MAN1A1: variants seen among roughly 807,000 people sequenced by gnomAD.
MAN1A1 encodes the protein mannosyl-oligosaccharide 1,2-alpha-mannosidase IA.
A neutral mutation model predicts 70.8 loss-of-function variants in MAN1A1; 29 were observed. The ratio of observed to expected loss-of-function variants is 0.41; its 90% confidence interval spans 0.31 to 0.56. The LOEUF (loss-of-function observed/expected upper bound fraction) is 0.56, where lower values mean the gene tolerates loss of function less well. Ranked by LOEUF, MAN1A1 falls within the 20% of genes least tolerant of loss-of-function variation. The probability of loss-of-function intolerance (pLI) is 0.29; values close to 1 mark genes in which losing one functional copy is unlikely to be tolerated. For missense variants in MAN1A1, 747 were observed against 841.3 expected, an observed-to-expected ratio of 0.89 and a Z score of 1.39; for synonymous variants, 349 against 330.1, an observed-to-expected ratio of 1.06 and a Z score of -0.62.
At chr6:119,188,351 A>T in intron 11 of MAN1A1, 54 bp downstream of exon 11, 2 of 1,501,396 alleles carry the variant, frequency 1.3e-6, no homozygotes, top group Non-Finnish European at 1.8e-6. Flanking sequence ...GGTATCACTG[A>T]ACATTTTTTA....
chr6:119,313,197 C>T (rs1439742018), intron 2 of MAN1A1, among the ~76,000 whole-genome samples: 2 of 152,178 alleles, frequency 1.3e-5, no homozygotes, highest in Admixed American at 1.3e-4. Flanking sequence ...GTGACTCCGC[C>T]TTCACAAAGA....
At chr6:119,264,848 T>C (rs1317286159) in intron 5 of MAN1A1, among the ~76,000 whole-genome samples, 2 of 152,206 alleles carry the variant, frequency 1.3e-5, no homozygotes, top group Non-Finnish European at 2.9e-5. Context: ...GCTATTTTTA[T>C]CTATTTGTGG....
At chr6:119,262,439 T>C (rs1775636821) in intron 5 of MAN1A1, among the ~76,000 whole-genome samples, 1 of 151,786 alleles carries the variant, frequency 6.6e-6, no homozygotes, top group Admixed American at 6.6e-5. Flanking sequence ...AACTTCATTA[T>C]ATGGCTATTA....
intron 2 of MAN1A1, among the ~76,000 whole-genome samples, chr6:119,311,517 G>A (rs1428134942): frequency 6.6e-6 from 1 of 152,190 alleles, no homozygotes; most frequent in Admixed American, 6.5e-5. Flanking sequence ...CCAAGGTACT[G>A]CTGTGTAGTG....
intron 5 of MAN1A1, among the ~76,000 whole-genome samples, chr6:119,261,183 G>A (rs1048237766): frequency 6.6e-6 from 1 of 151,850 alleles, no homozygotes; most frequent in Non-Finnish European, 1.5e-5. Flanking sequence ...GTTTCACCGT[G>A]TTGGCCAGGA....
chr6:119,296,944 T>A (rs1484567473), intron 4 of MAN1A1, among the ~76,000 whole-genome samples: 4 of 152,150 alleles, frequency 2.6e-5, no homozygotes, highest in Non-Finnish European at 5.9e-5. Flanking sequence ...TTAAGGAAAA[T>A]TTTAACACAG....
At chr6:119,232,986 C>T (rs1163720952) in intron 6 of MAN1A1, among the ~76,000 whole-genome samples, 4 of 152,068 alleles carry the variant, frequency 2.6e-5, no homozygotes, top group Non-Finnish European at 2.9e-5. Flanking sequence ...ATGCTTACAC[C>T]ACAAATTCCA....
chr6:119,314,691 C>G (rs2114465088), intron 2 of MAN1A1, among the ~76,000 whole-genome samples: 1 of 152,264 alleles, frequency 6.6e-6, no homozygotes, highest in Middle Eastern at 3.4e-3. Flanking sequence ...GCAGCTCTAT[C>G]TGGGGTCTGA....
intron 2 of MAN1A1, among the ~76,000 whole-genome samples, chr6:119,316,176 T>TC (rs1491191279): frequency 1.2e-4 from 4 of 32,680 alleles, no homozygotes; most frequent in Admixed American, 7.7e-4. Flanking sequence ...TTTTTGTGGG[T>TC]TTTTTTTTTT....
rs1368594809 is a variant in MAN1A1 at position 119,178,972 on chromosome 6, A to G, written c.*847T>C. The G allele has an allele frequency of 6.6e-6, 1 of 152,150 alleles. No homozygotes were observed. Among genetic ancestry groups the G allele is most frequent in the Non-Finnish European group, 1.5e-5 (1 of 67,972 alleles). 9.4% of individuals were successfully genotyped at this position (152,150 alleles called of 1,614,324 possible). On this transcript the variant is annotated 3_prime_UTR_variant, in exon 13 of 13. Transcript: ENST00000368468. ...CCAATTTCTTCATATATTCAGTTAA[A>G]CCCAAAAGCTAATCCATTAAGTTGT...
chr6:119,200,461 T>A (rs1216399325), intron 8 of MAN1A1, among the ~76,000 whole-genome samples: 1 of 152,138 alleles, frequency 6.6e-6, no homozygotes, highest in African/African-American at 2.4e-5. Flanking sequence ...TCTAAAGTAA[T>A]AATGAGGTAT....
chr6:119,203,062 C>G (rs1773760246), intron 7 of MAN1A1, among the ~76,000 whole-genome samples: 1 of 152,160 alleles, frequency 6.6e-6, no homozygotes, highest in Non-Finnish European at 1.5e-5. Flanking sequence ...GGACAGTTCT[C>G]GTCATCTACA....
intron 5 of MAN1A1, among the ~76,000 whole-genome samples, chr6:119,285,457 C>T (rs974564897): frequency 3.3e-5 from 5 of 152,156 alleles, no homozygotes; most frequent in African/African-American, 9.7e-5. Flanking sequence ...AGGGGACACA[C>T]ATCCGAACTA....
chr6:119,254,924 T>C (rs1303028638), intron 5 of MAN1A1, among the ~76,000 whole-genome samples: 1 of 152,212 alleles, frequency 6.6e-6, no homozygotes, highest in Non-Finnish European at 1.5e-5. Context: ...ACATGAAAAC[T>C]GTATCTTTTC....
At chr6:119,221,414 C>T (rs1774355557) in intron 6 of MAN1A1, among the ~76,000 whole-genome samples, 1 of 105,318 alleles carries the variant, frequency 9.5e-6, no homozygotes, top group Non-Finnish European at 2.2e-5. Context: ...CTAATACTAG[C>T]AAACTAAACA....
At chr6:119,329,763 G>C (rs1055403143) in intron 2 of MAN1A1, among the ~76,000 whole-genome samples, 10 of 152,012 alleles carry the variant, frequency 6.6e-5, no homozygotes, top group African/African-American at 2.4e-4. Flanking sequence ...CACCTCTCTG[G>C]CCTCGTTCAC....
Position 119,348,651 on chromosome 6 carries a change from G to A in MAN1A1, c.415C>T (p.Leu139=). ...ERALREAKET[L]QKLPEEIQRD... ...TGGATCTCCTCGGGCAGCTTCTGCAGGGTCTCCTTGGCTTCCCTGAGAGCC... is the reference window on the plus strand; with the variant it reads ...TGGATCTCCTCGGGCAGCTTCTGCAAGGTCTCCTTGGCTTCCCTGAGAGCC... The change falls in exon 2 of 13, where the codon CTG becomes TTG. Residue 139 remains leucine, a synonymous_variant. Coordinates refer to ENST00000368468, the MANE Select transcript of MAN1A1 (RefSeq NM_005907.4). 6.2e-7 allele frequency: 1 copy of A among 1,613,712 alleles called. No individual in the cohort carries two copies. Among genetic ancestry groups the A allele is most frequent in the East Asian group, 2.2e-5 (1 of 44,796 alleles).
chr6:119,346,611 C>A (rs1257691339), intron 2 of MAN1A1, among the ~76,000 whole-genome samples: 1 of 152,200 alleles, frequency 6.6e-6, no homozygotes, highest in East Asian at 1.9e-4. Flanking sequence ...CATGGATCTA[C>A]TGGATGGATA....
chr6:119,339,515 G>A (rs1052968705), intron 2 of MAN1A1, among the ~76,000 whole-genome samples: 1 of 152,058 alleles, frequency 6.6e-6, no homozygotes, highest in Non-Finnish European at 1.5e-5. Context: ...ACCCGGCGTC[G>A]GGGGGTGGGA....
Sources: allele counts gnomAD v4.1 joint callset (sites outside exome capture counted in the v4.1 genomes callset), GRCh38; gene constraint gnomAD v4.1.1; transcripts MANE v1.5; gene names NCBI Gene and HGNC (gene_info 2026-07-23, HGNC 2026-07-21).